ATG7: variants seen among roughly 807,000 people sequenced by gnomAD.
The protein encoded by ATG7 is autophagy related 7.
ATG7 carries 70 observed loss-of-function variants against 82.4 expected under a neutral mutation model. The ratio of observed to expected loss-of-function variants is 0.85; its 90% CI spans 0.70 to 1.04. The LOEUF (loss-of-function observed/expected upper bound fraction) is 1.04. ATG7 is among the 50% of genes least tolerant of loss of function. The pLI, the probability that ATG7 is intolerant of heterozygous loss-of-function variation, is 0.00. For synonymous variants in ATG7, 287 were observed against 313.0 expected (o/e 0.92, Z 0.88); for missense variants, 792 against 864.3 (o/e 0.92, Z 1.05).
At chr3:11,466,180 T>G (rs2086809824) in intron 20 of ATG7, among the ~76,000 whole-genome samples, 1 of 152,206 alleles carries the variant, frequency 6.6e-6, no homozygotes, top group Non-Finnish European at 1.5e-5. Flanking sequence ...GCTGCAGACA[T>G]CACAAGACTT....
the ATG7 span, among the ~76,000 whole-genome samples, chr3:11,569,105 T>A: frequency 6.6e-6 from 1 of 152,180 alleles, no homozygotes; most frequent in Non-Finnish European, 1.5e-5. Context: ...AGCAGTGACA[T>A]TGAAAGAATC....
At chr3:11,422,321 A>C (rs1372215721) in intron 19 of ATG7, among the ~76,000 whole-genome samples, 2 of 152,226 alleles carry the variant, frequency 1.3e-5, no homozygotes, top group Non-Finnish European at 2.9e-5. Context: ...GCTAGATCTC[A>C]TAATAACATG....
chr3:11,329,463 A>G lies in ATG7; in HGVS notation c.679-1877A>G, dbSNP rs138327470. 4.0e-3 allele frequency among the ~76,000 whole-genome samples: 608 copies of G among 152,018 alleles called. 8 individuals are homozygous for G. Among genetic ancestry groups the G allele is most frequent in the African/African-American group, 0.014 (582 of 41,476 alleles). ...GTCAATTTATGGTTCTCTGCCAGCA[A>G]TTTCCCTCCCTCACCCCTACTCACT... On this transcript the variant is annotated intron_variant, in intron 9 of 20. Transcript: ENST00000693202.
chr3:11,412,814 G>A (rs1337414397), intron 19 of ATG7, among the ~76,000 whole-genome samples: 1 of 151,850 alleles, frequency 6.6e-6, no homozygotes, highest in Non-Finnish European at 1.5e-5. Context: ...CATGAATATG[G>A]GGTGTGTTTC....
chr3:11,393,171 C>T (rs1250193571), intron 19 of ATG7, among the ~76,000 whole-genome samples: 1 of 152,144 alleles, frequency 6.6e-6, no homozygotes, highest in African/African-American at 2.4e-5. Context: ...TTATAACCCA[C>T]GTATATATGC....
intron 20 of ATG7, among the ~76,000 whole-genome samples, chr3:11,434,847 A>G (rs1257548237): frequency 6.6e-6 from 1 of 152,202 alleles, no homozygotes; most frequent in African/African-American, 2.4e-5. Context: ...AAAGACAGCT[A>G]ATATTAGGAA....
intron 20 of ATG7, among the ~76,000 whole-genome samples, chr3:11,464,085 A>T (rs2086599425): frequency 6.6e-6 from 1 of 152,180 alleles, no homozygotes; most frequent in Non-Finnish European, 1.5e-5. Context: ...TTTTGTAAAA[A>T]AATTGGCCAG....
At chr3:11,576,091 G>A in the ATG7 span, among the ~76,000 whole-genome samples, 1 of 152,214 alleles carries the variant, frequency 6.6e-6, no homozygotes, top group Non-Finnish European at 1.5e-5. Flanking sequence ...TTGAGAAACA[G>A]GTCATGGCTG....
chr3:11,362,987 C>A, intron 17 of ATG7, 59 bp downstream of exon 17: 1 of 1,413,350 alleles, frequency 7.1e-7, no homozygotes, highest in Non-Finnish European at 9.8e-7. Flanking sequence ...AGTTGTTCAT[C>A]AGTGTCTCCC....
At chr3:11,424,634 T>C (rs9310382) in intron 19 of ATG7, among the ~76,000 whole-genome samples, 151,000 of 151,546 alleles carry the variant, frequency 1, 75,234 homozygotes, top group Middle Eastern at 1. Flanking sequence ...TATTTAAAAA[T>C]CTTATTTTAA....
chr3:11,374,857 T>C (rs940944166), intron 18 of ATG7, among the ~76,000 whole-genome samples: 2 of 123,278 alleles, frequency 1.6e-5, no homozygotes, highest in African/African-American at 6.6e-5. Context: ...TGAGCTGAAA[T>C]CGCTCCACTA....
rs192166829 is a variant in ATG7 at position 11,444,254 on chromosome 3, G to A, written c.2079+17328G>A. ...ATTATAATGAAGTGTGCTGTTTGGA[G>A]CATTCTGGTATATATCTCCTGGGGT... On this transcript the variant is annotated intron_variant, in intron 20 of 20. Transcript: ENST00000693202. Among the ~76,000 whole-genome samples, 9 of 152,288 alleles carry A rather than the reference G, an allele frequency of 5.9e-5. No homozygotes were observed. In the East Asian group the frequency reaches 1.5e-3, roughly 26 times the overall value.
In ATG7 at chr3:11,450,911, C is replaced by T. The variant is rs113730970; in HGVS notation, c.2079+23985C>T. 4.1e-3 allele frequency among the ~76,000 whole-genome samples: 625 copies of T among 152,298 alleles called. 7 individuals carry two copies. Among genetic ancestry groups the T allele is most frequent in the African/African-American group, 0.014 (583 of 41,558 alleles). ...TGCCTTCCAAAGGGCTGGTGTCCTCCAGGGTGTATTAGTTGTTACTAATTT... is the reference window on the plus strand; with the variant it reads ...TGCCTTCCAAAGGGCTGGTGTCCTCTAGGGTGTATTAGTTGTTACTAATTT... On this transcript the variant is annotated intron_variant, in intron 20 of 20. Transcript: ENST00000693202.
At chr3:11,335,108 A>G (rs899361183) in intron 11 of ATG7, among the ~76,000 whole-genome samples, 1 of 152,056 alleles carries the variant, frequency 6.6e-6, no homozygotes. Flanking sequence ...TTGACAGAGT[A>G]CTTCTGCTTG....
chr3:11,478,993 C>CAA (rs1553688605), intron 20 of ATG7, among the ~76,000 whole-genome samples: 1 of 106,208 alleles, frequency 9.4e-6, no homozygotes, highest in African/African-American at 4.9e-5. Flanking sequence ...ATTTACAACA[C>CAA]ACACACACAC....
At position 11,309,161 on chromosome 3, in the gene ATG7, C is replaced by T. The variant is rs565558418; in HGVS notation, c.411+100C>T. The stretch of plus-strand genomic sequence containing the variant: ...TCTGCTCTTCTCTCCGAAGCTACTA[C>T]CTTCTGTTACTTAAATAATAGCTGT... On this transcript the variant is annotated intron_variant, in intron 7 of 20. Coordinates refer to ENST00000693202, the MANE Select transcript of ATG7 (RefSeq NM_001349232.2). 120 of 1,126,510 alleles carry T rather than the reference C, an allele frequency of 1.1e-4. 1 individual carries two copies. The South Asian group carries it at 1.4e-3, about 13-fold the overall frequency. The allele number at this position is 1,126,510 out of a possible 1,614,324, so 69.8% of individuals were successfully genotyped here.
chr3:11,560,251 A>C (rs565784513), downstream of ATG7, among the ~76,000 whole-genome samples: 3 of 152,350 alleles, frequency 2.0e-5, no homozygotes, highest in East Asian at 5.8e-4. Flanking sequence ...ACCAGGCAGT[A>C]TGTCTGGCCC....
chr3:11,278,961 G>C (rs1942475827), intron 1 of ATG7, among the ~76,000 whole-genome samples: 1 of 152,140 alleles, frequency 6.6e-6, no homozygotes, highest in South Asian at 2.1e-4. Context: ...CTAGATGATG[G>C]GTATGTGGAG....
chr3:11,410,199 A>G (rs1356200262), intron 19 of ATG7, among the ~76,000 whole-genome samples: 1 of 152,226 alleles, frequency 6.6e-6, no homozygotes, highest in Non-Finnish European at 1.5e-5. Context: ...TCCATGAACA[A>G]GAAATATCAC....
Sources: gnomAD v4.1 joint callset for allele counts (sites outside exome capture counted in the v4.1 genomes callset) on GRCh38, gnomAD v4.1.1 for gene constraint, MANE v1.5 for transcripts, NCBI Gene and HGNC (gene_info 2026-07-23, HGNC 2026-07-21) for gene names.